CTNND2: variants seen among roughly 807,000 people sequenced by gnomAD.
CTNND2 encodes catenin delta-2.
Under a neutral mutation model 144.4 loss-of-function variants are expected in CTNND2, and 22 were observed. The observed-to-expected ratio is 0.15, with a 90% CI of 0.11 to 0.22. CTNND2 has a LOEUF of 0.22. CTNND2 is among the 10% of genes least tolerant of loss of function. CTNND2 has a pLI of 1.00. For synonymous variants in CTNND2, 751 were observed against 695.6 expected (o/e 1.08, Z -1.25); for missense variants, 1,353 against 1,618.8 (o/e 0.84, Z 2.82).
At chr5:11,423,894 T>C (rs891919729) in intron 3 of CTNND2, among the ~76,000 whole-genome samples, 7 of 152,198 alleles carry the variant, frequency 4.6e-5, no homozygotes, top group African/African-American at 1.7e-4. Flanking sequence ...AAAATTTTTT[T>C]TTTGCTTTTT....
At chr5:11,069,358 A>C (rs1747976785) in intron 16 of CTNND2, among the ~76,000 whole-genome samples, 1 of 152,166 alleles carries the variant, frequency 6.6e-6, no homozygotes, top group Admixed American at 6.5e-5. Context: ...GTAGGGCCTG[A>C]ATTTGTCTTG....
In CTNND2 at chr5:11,629,489, G is replaced by A. The variant is rs567236541; in HGVS notation, c.175-64433C>T. On this transcript the variant is annotated intron_variant, in intron 2 of 21. Coordinates refer to ENST00000304623, the MANE Select transcript of CTNND2 (RefSeq NM_001332.4). ...TTAGAAAGAATGTATTTCCACCCCC[G>A]AAACATAAGAGTTTGAACATATCAA... Among the ~76,000 whole-genome samples, 221 of 152,092 alleles carry A rather than the reference G, an allele frequency of 1.5e-3. 2 individuals are homozygous for A. The highest frequency in any genetic ancestry group is 4.2e-3 in the Admixed American group (64 of 15,262).
At chr5:11,778,843 A>G (rs1196552396) in intron 1 of CTNND2, among the ~76,000 whole-genome samples, 6 of 152,216 alleles carry the variant, frequency 3.9e-5, no homozygotes, top group Non-Finnish European at 5.9e-5. Flanking sequence ...AAACTTTAAT[A>G]ATGGAGGAAA....
intron 9 of CTNND2, among the ~76,000 whole-genome samples, chr5:11,295,930 C>T (rs1361653146): frequency 1.3e-5 from 2 of 152,096 alleles, no homozygotes; most frequent in African/African-American, 4.8e-5. Flanking sequence ...TGGGCAAGGA[C>T]TTCATGTCTG....
At chr5:10,993,727 T>C (rs919935198) in intron 18 of CTNND2, among the ~76,000 whole-genome samples, 6 of 152,152 alleles carry the variant, frequency 3.9e-5, no homozygotes, top group African/African-American at 1.4e-4. Flanking sequence ...TTTAAAATCA[T>C]GCACCTCTCA....
At chr5:11,012,221 A>G (rs543542860) in intron 18 of CTNND2, among the ~76,000 whole-genome samples, 1 of 151,184 alleles carries the variant, frequency 6.6e-6, no homozygotes, top group East Asian at 2.0e-4. Flanking sequence ...CCCATCATGG[A>G]TGGGAAAACC....
chr5:11,863,200 C>G (rs1368590299), intron 1 of CTNND2, among the ~76,000 whole-genome samples: 1 of 152,176 alleles, frequency 6.6e-6, no homozygotes, highest in Non-Finnish European at 1.5e-5. Context: ...GTATTCTCCA[C>G]AGTACAGAGC....
Position 11,236,843 on chromosome 5 carries a change from C to A in CTNND2, c.1629-20G>T, listed in dbSNP as rs1383435636. On this transcript the variant is annotated intron_variant, in intron 9 of 21. Coordinates refer to ENST00000304623, the MANE Select transcript of CTNND2 (RefSeq NM_001332.4). ...AATTCTCTGAACAAAAGGAAAGAAGCGGGGAGAATATGAGAGAGAAATCCT... is the reference window on the plus strand; with the variant it reads ...AATTCTCTGAACAAAAGGAAAGAAGAGGGGAGAATATGAGAGAGAAATCCT... The A allele has an allele frequency of 6.2e-7, 1 of 1,613,614 alleles. No homozygotes were observed.
chr5:11,761,438 T>C lies in CTNND2; in HGVS notation c.38-29166A>G, dbSNP rs565598736. 1.2e-4 allele frequency among the ~76,000 whole-genome samples: 18 copies of C among 152,308 alleles called. No homozygotes were observed. The South Asian group carries it at 3.5e-3, about 30-fold the overall frequency. Reference sequence around the variant, plus strand: ...CTTTGAACAGAGGATTAAAGTTCCATTGATATTCTGAACAAAGTGAAGTGA... The same window carrying C: ...CTTTGAACAGAGGATTAAAGTTCCACTGATATTCTGAACAAAGTGAAGTGA... On this transcript the variant is annotated intron_variant, in intron 1 of 21. Transcript: ENST00000304623.
intron 2 of CTNND2, among the ~76,000 whole-genome samples, chr5:11,667,327 T>C (rs1341579022): frequency 1.3e-5 from 2 of 152,180 alleles, no homozygotes; most frequent in Non-Finnish European, 2.9e-5. Context: ...TCCTAGATCC[T>C]TGAGGAATTG....
chr5:11,778,173 G>A (rs375857950), intron 1 of CTNND2, among the ~76,000 whole-genome samples: 13 of 152,150 alleles, frequency 8.5e-5, no homozygotes, highest in Admixed American at 4.6e-4. Flanking sequence ...ATACAACACC[G>A]TTCAGCTGGA....
chr5:11,227,803 A>G (rs1169418766), intron 10 of CTNND2, among the ~76,000 whole-genome samples: 1 of 152,200 alleles, frequency 6.6e-6, no homozygotes, highest in Admixed American at 6.5e-5. Flanking sequence ...ATATAAGTAT[A>G]TTGCAACTAT....
At chr5:11,484,104 C>T (rs1374304088) in intron 3 of CTNND2, among the ~76,000 whole-genome samples, 2 of 152,186 alleles carry the variant, frequency 1.3e-5, no homozygotes, top group Non-Finnish European at 2.9e-5. Context: ...CAACTAATGG[C>T]CACTCCACAT....
chr5:11,629,616 A>C (rs1781321417), intron 2 of CTNND2, among the ~76,000 whole-genome samples: 1 of 152,150 alleles, frequency 6.6e-6, no homozygotes, highest in South Asian at 2.1e-4. Context: ...TATACATTTT[A>C]TGTTTCATTT....
At chr5:11,615,465 G>A (rs1332429026) in intron 2 of CTNND2, among the ~76,000 whole-genome samples, 11 of 152,162 alleles carry the variant, frequency 7.2e-5, no homozygotes, top group Non-Finnish European at 1.6e-4. Context: ...ATTTTAGCAT[G>A]ACTATACATT....
chr5:11,847,908 T>C (rs894693802), intron 1 of CTNND2, among the ~76,000 whole-genome samples: 2 of 152,146 alleles, frequency 1.3e-5, no homozygotes, highest in Non-Finnish European at 1.5e-5. Flanking sequence ...AATTACATTG[T>C]CAAGTGTCAA....
At chr5:11,641,092 T>A (rs1383013622) in intron 2 of CTNND2, among the ~76,000 whole-genome samples, 1 of 152,148 alleles carries the variant, frequency 6.6e-6, no homozygotes, top group Non-Finnish European at 1.5e-5. Flanking sequence ...TAGCCATGCG[T>A]GTATTCAAGG....
At chr5:11,430,545 T>TA (rs1206382346) in intron 3 of CTNND2, among the ~76,000 whole-genome samples, 1 of 152,142 alleles carries the variant, frequency 6.6e-6, no homozygotes, top group Non-Finnish European at 1.5e-5. Flanking sequence ...TTTAGAATTT[T>TA]AATTAATGCA....
intron 1 of CTNND2, among the ~76,000 whole-genome samples, chr5:11,846,604 A>G (rs555458771): frequency 3.3e-5 from 5 of 152,292 alleles, no homozygotes; most frequent in Admixed American, 2.6e-4. Context: ...ATGGGATTAC[A>G]TCAAACTCAA....
Sources: allele counts gnomAD v4.1 joint callset (sites outside exome capture counted in the v4.1 genomes callset), GRCh38; gene constraint gnomAD v4.1.1; transcripts MANE v1.5; gene names NCBI Gene and HGNC (gene_info 2026-07-23, HGNC 2026-07-21).